Variants in DNAJC25 observed in about 807,000 individuals in gnomAD.
The protein encoded by DNAJC25 is DnaJ heat shock protein family (Hsp40) member C25, also known as dnaJ homolog subfamily C member 25.
Under a neutral mutation model 42.1 loss-of-function variants are expected in DNAJC25, and 26 were observed. The ratio of observed to expected loss-of-function variants is 0.62; its 90% CI spans 0.45 to 0.86. The LOEUF (loss-of-function observed/expected upper bound fraction) is 0.86. DNAJC25 is among the 40% of genes least tolerant of loss of function. DNAJC25 has a pLI of 0.00. For missense variants in DNAJC25, 404 were observed against 459.4 expected, an observed-to-expected ratio of 0.88 and a Z score of 1.10; for synonymous variants, 189 against 179.9, an observed-to-expected ratio of 1.05 and a Z score of -0.40.
At chr9:111,639,743 T>A (rs1173621020) in intron 1 of DNAJC25, among the ~76,000 whole-genome samples, 1 of 151,544 alleles carries the variant, frequency 6.6e-6, no homozygotes, top group Non-Finnish European at 1.5e-5. Context: ...ATAGTAAGAT[T>A]AATATATATT....
chr9:111,632,392 G>GC (rs1177853145), intron 1 of DNAJC25, among the ~76,000 whole-genome samples: 1 of 152,142 alleles, frequency 6.6e-6, no homozygotes, highest in East Asian at 1.9e-4. Flanking sequence ...TGTGCGAACC[G>GC]CCCCCCTTTC....
At chr9:111,648,518 C>G (rs1564086934) in intron 2 of DNAJC25, among the ~76,000 whole-genome samples, 1 of 152,068 alleles carries the variant, frequency 6.6e-6, no homozygotes, top group Non-Finnish European at 1.5e-5. Context: ...AATCCACTCA[C>G]CGCAGCCTCT....
intron 3 of DNAJC25, among the ~76,000 whole-genome samples, chr9:111,651,447 G>A (rs537736149): frequency 3.9e-5 from 6 of 152,176 alleles, no homozygotes; most frequent in East Asian, 1.9e-4. Flanking sequence ...CTATTGTGGG[G>A]TGAATTATAT....
chr9:111,649,233 T>C (rs1010108528), intron 2 of DNAJC25, among the ~76,000 whole-genome samples: 3 of 152,226 alleles, frequency 2.0e-5, no homozygotes, highest in African/African-American at 7.2e-5. Flanking sequence ...GATTTTTGGC[T>C]CAGCTCAGAG....
chr9:111,653,273 T>C lies in DNAJC25; in HGVS notation c.*51T>C, dbSNP rs759562868. 24 of 1,420,172 alleles carry C rather than the reference T, an allele frequency of 1.7e-5. No individual in the cohort carries two copies. The Admixed American group carries it at 6.1e-4, about 36-fold the overall frequency. 88.0% of individuals were successfully genotyped at this position (1,420,172 alleles called of 1,614,324 possible). A position where few individuals can be genotyped will look rare whatever the true frequency, so the allele number is the denominator to read the frequency against. On this transcript the variant is annotated 3_prime_UTR_variant, in exon 4 of 4. Coordinates refer to ENST00000313525, the MANE Select transcript of DNAJC25 (RefSeq NM_001015882.3). ...AACCTTAATTGTGATATTATTTTCA[T>C]AACTGAATTATTTTAGAAATGTATC... is the stretch of plus-strand genomic sequence containing the variant.
chr9:111,649,164 C>G (rs1245402825), intron 2 of DNAJC25, among the ~76,000 whole-genome samples: 4 of 151,722 alleles, frequency 2.6e-5, no homozygotes, highest in African/African-American at 9.7e-5. Context: ...AGATACGAAC[C>G]ACAGGTGTGG....
rs535039568 is a variant in DNAJC25, at chr9:111,635,623, G to C, written c.336+3880G>C. Among the ~76,000 whole-genome samples the C allele has an allele frequency of 3.6e-4, 55 of 152,282 alleles. 1 individual carries two copies. Among genetic ancestry groups the C allele is most frequent in the Admixed American group, 9.2e-4 (14 of 15,298 alleles). On this transcript the variant is annotated intron_variant, in intron 1 of 3. Coordinates refer to ENST00000313525, the MANE Select transcript of DNAJC25 (RefSeq NM_001015882.3). ...AGCAGATGAGAGAACAACTTGAAAG[G>C]ATGCACTTAGAAAAACTATGATTGG...
At chr9:111,645,858 A>G (rs916306687) in intron 1 of DNAJC25, among the ~76,000 whole-genome samples, 1 of 152,152 alleles carries the variant, frequency 6.6e-6, no homozygotes, top group African/African-American at 2.4e-5. Context: ...TGGCATGATC[A>G]CATAAGTGAT....
intron 1 of DNAJC25, among the ~76,000 whole-genome samples, chr9:111,646,120 A>G: frequency 6.6e-6 from 1 of 152,278 alleles, no homozygotes; most frequent in Non-Finnish European, 1.5e-5. Context: ...TCATATATAG[A>G]GATTAAATAA....
In DNAJC25 at chr9:111,653,893, G is replaced by A. The variant is rs557315960; in HGVS notation, c.*671G>A. 3 of 152,614 alleles carry A rather than the reference G, an allele frequency of 2.0e-5. No homozygotes were observed. The East Asian group carries it at 5.8e-4, about 29-fold the overall frequency. 9.5% of individuals were successfully genotyped at this position (152,614 alleles called of 1,614,324 possible). On this transcript the variant is annotated 3_prime_UTR_variant, in exon 4 of 4. Coordinates refer to ENST00000313525, the MANE Select transcript of DNAJC25 (RefSeq NM_001015882.3). The stretch of plus-strand genomic sequence containing the variant: ...TCCAGGAGAGTGAGTCTACCCTCAC[G>A]TCCTTGTAGGATGATCTTGATTATA...
chr9:111,643,018 A>G (rs1246603424), intron 1 of DNAJC25: 4 of 441,540 alleles, frequency 9.1e-6, no homozygotes, highest in African/African-American at 2.0e-5. Flanking sequence ...GGTTTTGGAA[A>G]GAAGTTGGAA....
intron 1 of DNAJC25, among the ~76,000 whole-genome samples, chr9:111,639,614 A>G (rs1364087625): frequency 1.3e-5 from 2 of 151,688 alleles, no homozygotes; most frequent in African/African-American, 2.4e-5. Context: ...CCTCTTTTAT[A>G]GGATATAATG....
At chr9:111,647,008 C>A in intron 1 of DNAJC25, 99 bp from the exon 2 acceptor site, 2 of 1,308,130 alleles carry the variant, frequency 1.5e-6, no homozygotes, top group Non-Finnish European at 2.0e-6. Flanking sequence ...TCAGATTAAC[C>A]TTACATAATT....
At chr9:111,640,853 G>A (rs1295575246) in intron 1 of DNAJC25, among the ~76,000 whole-genome samples, 2 of 86,600 alleles carry the variant, frequency 2.3e-5, no homozygotes, top group African/African-American at 1.2e-4. Context: ...CCAGCCCCCC[G>A]CCCGGCCAGC....
rs1243327064 is a variant in DNAJC25, at chr9:111,647,257, C to G, written c.487C>G (p.Gln163Glu). The G allele has an allele frequency of 6.2e-7, 1 of 1,614,042 alleles. No individual in the cohort carries two copies. The highest frequency in any genetic ancestry group is 8.5e-7 in the Non-Finnish European group (1 of 1,179,972). The change falls in exon 2 of 4, where the codon CAG (glutamine) becomes GAG (glutamate). Residue 163 changes from glutamine to glutamate, a missense_variant and splice_region_variant. Transcript: ENST00000313525. Reference sequence around the variant, plus strand: ...CAGCGTGTGTGCTATTTCGGTGTTTCAGGTATGTATCAATGGATATTTTTA... The same window carrying G: ...CAGCGTGTGTGCTATTTCGGTGTTTGAGGTATGTATCAATGGATATTTTTA... The part of the protein sequence containing the change: ...LVSVCAISVF[Q>E]FFSWWNSYNK...
At chr9:111,640,220 A>C (rs1830431505) in intron 1 of DNAJC25, among the ~76,000 whole-genome samples, 1 of 149,650 alleles carries the variant, frequency 6.7e-6, no homozygotes. Context: ...AGTCTCGTTC[A>C]CTCAGTGCTC....
intron 1 of DNAJC25, among the ~76,000 whole-genome samples, chr9:111,641,419 G>A (rs1388363786): frequency 6.8e-5 from 7 of 103,052 alleles, no homozygotes; most frequent in East Asian, 3.9e-4. Context: ...TCAGCCCTCC[G>A]CCCGGCCAGC....
chr9:111,638,821 C>T (rs752269313), intron 1 of DNAJC25, among the ~76,000 whole-genome samples: 2 of 151,744 alleles, frequency 1.3e-5, no homozygotes, highest in Non-Finnish European at 2.9e-5. Flanking sequence ...TACTTGGAAA[C>T]ATTTTTGTTT....
intron 1 of DNAJC25, among the ~76,000 whole-genome samples, chr9:111,644,895 G>A (rs138267007): frequency 4.6e-5 from 7 of 152,344 alleles, no homozygotes; most frequent in African/African-American, 7.2e-5. Context: ...TTAGTCTTCA[G>A]CGCTGTCTGT....
Sources: gnomAD v4.1 joint callset for allele counts (sites outside exome capture counted in the v4.1 genomes callset) on GRCh38, gnomAD v4.1.1 for gene constraint, MANE v1.5 for transcripts, NCBI Gene and HGNC (gene_info 2026-07-23, HGNC 2026-07-21) for gene names.